AK9: variants seen among roughly 807,000 people sequenced by gnomAD.
AK9 encodes the protein adenylate kinase 9.
In AK9, 191 loss-of-function variants were observed where a neutral mutation model predicts 239.6. The ratio of observed to expected loss-of-function variants is 0.80; its 90% confidence interval spans 0.71 to 0.90. AK9 has a LOEUF of 0.90. Ranked by LOEUF, AK9 falls within the 40% of genes least tolerant of loss-of-function variation. The pLI is 0.00. For synonymous variants in AK9, 689 were observed against 721.0 expected, an observed-to-expected ratio of 0.96 and a Z score of 0.71; for missense variants, 1,995 against 2,214.7, an observed-to-expected ratio of 0.90 and a Z score of 1.99.
chr6:109,545,113 C>A (rs1783371843), intron 26 of AK9, among the ~76,000 whole-genome samples: 1 of 152,052 alleles, frequency 6.6e-6, no homozygotes, highest in South Asian at 2.1e-4. Context: ...CTACCACTAC[C>A]CCAGATTAAC....
intron 8 of AK9, among the ~76,000 whole-genome samples, chr6:109,646,536 GA>G (rs557721816): frequency 6.6e-6 from 1 of 151,580 alleles, no homozygotes; most frequent in African/African-American, 2.4e-5. Context: ...AAGAAGTTTA[GA>G]AAAAAAAGAG....
In AK9 at chr6:109,533,536, T is replaced by C. The variant is rs757954097; in HGVS notation, c.3351-66A>G. Reference sequence around the variant, plus strand: ...GTTGTAATGGATGTGTTCATTAATTTGACTGTAATGATCATTATACAAGGT... The same window carrying C: ...GTTGTAATGGATGTGTTCATTAATTCGACTGTAATGATCATTATACAAGGT... On this transcript the variant is annotated intron_variant, in intron 27 of 40. Transcript: ENST00000424296. 3.1e-6 allele frequency: 4 copies of C among 1,288,546 alleles called. No homozygotes were observed. In the East Asian group the frequency reaches 9.7e-5, roughly 31 times the overall value. 79.8% of individuals were successfully genotyped at this position (1,288,546 alleles called of 1,614,324 possible). A position where few individuals can be genotyped will look rare whatever the true frequency, so the allele number is the denominator to read the frequency against.
At chr6:109,493,839 T>C (rs1776765452) in intron 40 of AK9, 142 bp downstream of exon 40, 1 of 700,426 alleles carries the variant, frequency 1.4e-6, no homozygotes. Flanking sequence ...TTTAAAATAT[T>C]TGCCCTGTAT....
intron 1 of AK9, among the ~76,000 whole-genome samples, chr6:109,684,972 AT>A (rs1773290702): frequency 6.6e-6 from 1 of 151,388 alleles, no homozygotes; most frequent in Admixed American, 6.6e-5. Context: ...GCCAACAGAC[AT>A]ATGGAAAAAA....
chr6:109,552,203 A>AT (rs1784455082), intron 24 of AK9, among the ~76,000 whole-genome samples: 1 of 151,184 alleles, frequency 6.6e-6, no homozygotes, highest in African/African-American at 2.4e-5. Context: ...TGTGTCTATA[A>AT]TAAACACAAT....
intron 17 of AK9, among the ~76,000 whole-genome samples, chr6:109,607,153 A>C (rs1449460893): frequency 6.6e-6 from 1 of 152,218 alleles, no homozygotes; most frequent in East Asian, 1.9e-4. Context: ...AGAAAATAAA[A>C]TAAAACCCTA....
In AK9 at chr6:109,610,523, A is replaced by C. The variant is rs1055889384; in HGVS notation, c.1694-10T>G. 9 of 1,546,836 alleles carry C rather than the reference A, an allele frequency of 5.8e-6. No homozygotes were observed. Among genetic ancestry groups the C allele is most frequent in the Middle Eastern group, 1.7e-4 (1 of 6,000 alleles). Reference sequence around the variant, plus strand: ...AAGTCTTCTGTTGGGGCTAAAGTAAAATAAGCTGATAAATTAATGCCATTA... The same window carrying C: ...AAGTCTTCTGTTGGGGCTAAAGTAACATAAGCTGATAAATTAATGCCATTA... On this transcript the variant is annotated splice_polypyrimidine_tract_variant and intron_variant, in intron 16 of 40. Transcript: ENST00000424296.
chr6:109,551,282 C>T (rs1021878480), intron 24 of AK9, among the ~76,000 whole-genome samples: 1 of 152,064 alleles, frequency 6.6e-6, no homozygotes, highest in African/African-American at 2.4e-5. Context: ...CTTTGGGAGG[C>T]CGAGGCGGGG....
chr6:109,616,232 C>T (rs1263309429), intron 13 of AK9, among the ~76,000 whole-genome samples: 1 of 152,116 alleles, frequency 6.6e-6, no homozygotes, highest in African/African-American at 2.4e-5. Context: ...AGAGAATCAA[C>T]TGAAAGTCCA....
rs1298659551 is a variant in AK9 at position 109,516,587 on chromosome 6, T to C, written c.3689A>G (p.Asp1230Gly). 9 of 1,550,844 alleles carry C rather than the reference T, an allele frequency of 5.8e-6. No individual in the cohort carries two copies. In the East Asian group the frequency reaches 7.3e-5, roughly 13 times the overall value. Residue 1230 changes from aspartate to glycine, a missense_variant, in exon 30 of 41, where the codon GAT (aspartate) becomes GGT (glycine). Asp to Gly is a moderately conservative substitution (Grantham distance 94). Transcript: ENST00000424296. ...ISEEELEEDN[D>G]DIENILEDEF... is the part of the protein sequence containing the mutation. ...ATCTTCAAGGATGTTTTCAATATCA[T>C]CATTGTCTTCTTCAAGTTCTTCCTC... is the stretch of plus-strand genomic sequence containing the variant.
intron 11 of AK9, 32 bp downstream of exon 11, chr6:109,633,152 A>T: frequency 6.4e-7 from 1 of 1,570,752 alleles, no homozygotes; most frequent in Non-Finnish European, 8.6e-7. Flanking sequence ...TATGAGGAAG[A>T]TTTAAAATTA....
chr6:109,496,587 G>A (rs1446809092), intron 38 of AK9, among the ~76,000 whole-genome samples: 1 of 151,446 alleles, frequency 6.6e-6, no homozygotes, highest in South Asian at 2.1e-4. Context: ...CCTCCCCTCC[G>A]CCTCCCTCAA....
chr6:109,537,109 T>C (rs953018486), intron 27 of AK9, among the ~76,000 whole-genome samples: 24 of 152,246 alleles, frequency 1.6e-4, no homozygotes, highest in African/African-American at 5.8e-4. Flanking sequence ...CAGGATGATG[T>C]TGGCCTCATA....
Position 109,506,342 on chromosome 6 carries a change from C to T in AK9, c.4834G>A (p.Glu1612Lys), listed in dbSNP as rs763223937. The change falls in exon 35 of 41, where the codon GAA (glutamate) becomes AAA (lysine). Residue 1612 changes from glutamate (E) to lysine (K), a missense_variant. Around this residue, in one of 5 missense-constraint regions of AK9, gnomAD observed 391 missense variants for 456.0 expected, o/e 0.86. Coordinates refer to ENST00000424296, the MANE Select transcript of AK9 (RefSeq NM_001145128.3). ...GCTATCTTACCTGCTTTTATTCTTTCCAGGTATGTCTGCATGTATTTATTC... is the reference window on the plus strand; with the variant it reads ...GCTATCTTACCTGCTTTTATTCTTTTCAGGTATGTCTGCATGTATTTATTC... ...MVNKYMQTYL[E>K]RIKAGKAACI... 11 of 1,613,226 alleles carry T rather than the reference C, an allele frequency of 6.8e-6. No homozygotes were observed. The Admixed American group carries it at 1.7e-4, about 24-fold the overall frequency.
At chr6:109,638,659 A>T (rs1281032889) in intron 10 of AK9, among the ~76,000 whole-genome samples, 2 of 151,996 alleles carry the variant, frequency 1.3e-5, no homozygotes, top group Admixed American at 6.6e-5. Flanking sequence ...TTTTAAAAAA[A>T]TTTTAATTAT....
At chr6:109,542,266 TC>T (rs1396232883) in intron 26 of AK9, 95 bp from the exon 27 acceptor site, 64 of 1,207,470 alleles carry the variant, frequency 5.3e-5, no homozygotes, top group Non-Finnish European at 6.7e-5. Flanking sequence ...GAGGAGGACC[TC>T]ATGGAGGTGG....
Position 109,538,502 on chromosome 6 carries a change from T to C in AK9, c.3350+3545A>G, listed in dbSNP as rs536830924. ...TTTATTTTGAGCCTATGTGTGTCTC[T>C]GCACGTGAGATGGGTCTCCTGAATA... On this transcript the variant is annotated intron_variant, in intron 27 of 40. Coordinates refer to ENST00000424296, the MANE Select transcript of AK9 (RefSeq NM_001145128.3). 5.4e-4 allele frequency among the ~76,000 whole-genome samples: 82 copies of C among 152,318 alleles called. No homozygotes were observed. The East Asian group carries it at 0.015, about 28-fold the overall frequency.
intron 35 of AK9, among the ~76,000 whole-genome samples, chr6:109,505,801 G>A (rs1047060173): frequency 1.3e-4 from 20 of 152,178 alleles, no homozygotes; most frequent in Non-Finnish European, 2.2e-4. Flanking sequence ...ACATGCCCAC[G>A]TCATAATCTA....
chr6:109,573,179 C>A (rs1001350289), intron 21 of AK9, among the ~76,000 whole-genome samples: 2 of 152,072 alleles, frequency 1.3e-5, no homozygotes, highest in Non-Finnish European at 2.9e-5. Flanking sequence ...TTTAATGACA[C>A]TTTTTTCCTG....
Sources: gnomAD v4.1 joint callset for allele counts (sites outside exome capture counted in the v4.1 genomes callset) on GRCh38, gnomAD v4.1.1 for gene constraint, gnomAD v4.1.1 regional missense constraint, MANE v1.5 for transcripts, NCBI Gene and HGNC (gene_info 2026-07-23, HGNC 2026-07-21) for gene names.